The following ZNF722 variants were observed in gnomAD, a reference collection of about 807,000 sequenced individuals.
The protein encoded by ZNF722 is zinc finger protein 479 pseudogene.
At chr7:64,000,470 AGAGG>A in the ZNF722 span, among the ~76,000 whole-genome samples, 2 of 4,890 alleles carry the variant, frequency 4.1e-4, no homozygotes, top group Non-Finnish European at 9.8e-4. Context: ...TTTTTTTTTG[AGAGG>A]GAGTCTCGCT....
the ZNF722 span, among the ~76,000 whole-genome samples, chr7:64,009,329 A>G: frequency 6.6e-6 from 1 of 152,196 alleles, no homozygotes; most frequent in Non-Finnish European, 1.5e-5. Context: ...CCAGTTTTCA[A>G]AGGGAATGCT....
the ZNF722 span, among the ~76,000 whole-genome samples, chr7:64,009,986 C>G: frequency 6.6e-6 from 1 of 151,966 alleles, no homozygotes. Context: ...TGTATGTGTC[C>G]AGGAATTTAT....
At chr7:63,999,574 T>C in the ZNF722 span, among the ~76,000 whole-genome samples, 1 of 152,238 alleles carries the variant, frequency 6.6e-6, no homozygotes, top group Non-Finnish European at 1.5e-5. Context: ...TACAGTTATG[T>C]AGTTTCCTTA....
chr7:64,000,436 CTTTTTTTTTTTTTTTT>C, the ZNF722 span, among the ~76,000 whole-genome samples: 64 of 23,702 alleles, frequency 2.7e-3, 2 homozygotes, highest in East Asian at 0.039. Flanking sequence ...CATGCCCGGC[CTTTTTTTTTTTTTTTT>C]TTTTTTTTTT....
At chr7:64,002,776 C>G in the ZNF722 span, among the ~76,000 whole-genome samples, 1 of 152,166 alleles carries the variant, frequency 6.6e-6, no homozygotes, top group East Asian at 1.9e-4. Context: ...TTCCCAAGAG[C>G]AGACTTACTC....
chr7:64,000,743 A>T, the ZNF722 span, among the ~76,000 whole-genome samples: 2 of 150,106 alleles, frequency 1.3e-5, no homozygotes, highest in African/African-American at 4.9e-5. Context: ...AAGTTATCAC[A>T]CCCAGCCTGC....
chr7:64,016,458 A>G, the ZNF722 span, among the ~76,000 whole-genome samples: 3 of 152,108 alleles, frequency 2.0e-5, no homozygotes, highest in Non-Finnish European at 4.4e-5. Flanking sequence ...AAAGTGAAAA[A>G]ACCTTTAAGC....
At chr7:64,004,425 A>AAAAAATATAT in the ZNF722 span, among the ~76,000 whole-genome samples, 29 of 61,112 alleles carry the variant, frequency 4.7e-4, no homozygotes, top group Admixed American at 7.0e-4. Context: ...AAAAAAAAAA[A>AAAAAATATAT]ATATATATAT....
chr7:64,010,079 G>A, the ZNF722 span, among the ~76,000 whole-genome samples: 27 of 151,960 alleles, frequency 1.8e-4, no homozygotes, highest in Admixed American at 9.2e-4. Context: ...CTGTGGGATC[G>A]GTGGTGGTAT....
the ZNF722 span, among the ~76,000 whole-genome samples, chr7:64,014,394 A>G: frequency 1.3e-5 from 2 of 151,986 alleles, no homozygotes; most frequent in East Asian, 3.9e-4. Flanking sequence ...TGTTGCCCAA[A>G]TATTTTGTAT....
At chr7:64,009,542 G>A in the ZNF722 span, among the ~76,000 whole-genome samples, 1 of 152,142 alleles carries the variant, frequency 6.6e-6, no homozygotes, top group African/African-American at 2.4e-5. Context: ...AATGCATTAC[G>A]TTTATTGATT....
the ZNF722 span, among the ~76,000 whole-genome samples, chr7:64,004,425 A>AAAAAAAAAAAAAAAAAAAT: frequency 1.6e-5 from 1 of 61,118 alleles, no homozygotes; most frequent in African/African-American, 8.0e-5. Context: ...AAAAAAAAAA[A>AAAAAAAAAAAAAAAAAAAT]ATATATATAT....
the ZNF722 span, among the ~76,000 whole-genome samples, chr7:64,008,017 G>A: frequency 2.6e-5 from 4 of 152,174 alleles, no homozygotes; most frequent in Admixed American, 2.6e-4. Flanking sequence ...TTTTTCACAT[G>A]TCTGTTGGCT....
the ZNF722 span, among the ~76,000 whole-genome samples, chr7:64,013,558 G>A: frequency 0.6 from 90,708 of 151,620 alleles, 28,198 homozygotes; most frequent in Non-Finnish European, 0.7. Flanking sequence ...AAATTTGTCC[G>A]CATTATATCT....
the ZNF722 span, among the ~76,000 whole-genome samples, chr7:64,005,998 C>T: frequency 5.3e-5 from 8 of 152,186 alleles, no homozygotes; most frequent in Non-Finnish European, 7.4e-5. Flanking sequence ...GTTTCCCACG[C>T]CTTAGAATTC....
the ZNF722 span, among the ~76,000 whole-genome samples, chr7:64,010,444 C>T: frequency 1.3e-5 from 2 of 152,080 alleles, no homozygotes; most frequent in South Asian, 4.1e-4. Flanking sequence ...TATGTTGTGT[C>T]TTTGTTCTCA....
At chr7:64,007,404 A>T in the ZNF722 span, among the ~76,000 whole-genome samples, 1 of 151,814 alleles carries the variant, frequency 6.6e-6, no homozygotes. Flanking sequence ...CCCCAACTCC[A>T]CGACAGGCCC....
chr7:64,004,456 A>ATATATATATATAT, the ZNF722 span, among the ~76,000 whole-genome samples: 8 of 140,192 alleles, frequency 5.7e-5, no homozygotes, highest in African/African-American at 1.3e-4. Flanking sequence ...ATATATATAT[A>ATATATATATATAT]AAATTAAATT....
At chr7:64,007,222 T>G in the ZNF722 span, among the ~76,000 whole-genome samples, 37,421 of 129,616 alleles carry the variant, frequency 0.29, 5,673 homozygotes, top group East Asian at 0.41. Context: ...ATTTGTGTGT[T>G]TGTGTGTGTA....
Sources: gnomAD v4.1 joint callset for allele counts (sites outside exome capture counted in the v4.1 genomes callset) on GRCh38, gnomAD v4.1.1 for gene constraint, MANE v1.5 for transcripts, NCBI Gene and HGNC (gene_info 2026-07-23, HGNC 2026-07-21) for gene names.